The following SCAMP3 variants were observed in gnomAD, a reference collection of about 807,000 sequenced individuals.
SCAMP3 encodes the protein secretory carrier-associated membrane protein 3.
A neutral mutation model predicts 44.1 loss-of-function variants in SCAMP3; 30 were observed. The ratio of observed to expected loss-of-function variants is 0.68; its 90% CI spans 0.51 to 0.92. SCAMP3 has a LOEUF of 0.92. Ranked by LOEUF, SCAMP3 falls within the 40% of genes least tolerant of loss-of-function variation. The pLI is 0.00. For synonymous variants in SCAMP3, 168 were observed against 171.1 expected, an observed-to-expected ratio of 0.98 and a Z score of 0.14; for missense variants, 394 against 440.0, an observed-to-expected ratio of 0.90 and a Z score of 0.93.
chr1:155,259,042 C>A, intron 4 of SCAMP3, 88 bp from the exon 5 acceptor site: 1 of 961,910 alleles, frequency 1.0e-6, no homozygotes, highest in Non-Finnish European at 1.4e-6. Context: ...TCCCTGGATC[C>A]TCTCTTTTTT....
rs777400952 is a variant in SCAMP3 at position 155,261,655 on chromosome 1, ACCT to A, written c.143_144+1del. 15 of 1,613,272 alleles carry A rather than the reference ACCT, an allele frequency of 9.3e-6. No individual in the cohort carries two copies. The Admixed American group carries it at 1.5e-4, about 16-fold the overall frequency. ...GAACTCCTATGCTCTCCAGTAGCTC[ACCT>A]CCCGGGTCTCAAAAGGGTTGTAGAC... On this transcript the variant is annotated splice_donor_variant and coding_sequence_variant, in exon 2 of 9. Transcript: ENST00000302631. LOFTEE classifies it high-confidence loss of function.
At chr1:155,259,054 T>TC in intron 4 of SCAMP3, 100 bp from the exon 5 acceptor site, 1 of 1,135,562 alleles carries the variant, frequency 8.8e-7, no homozygotes, top group East Asian at 2.7e-5. Context: ...CTCTTTTTTT[T>TC]TTTTTTTTTT....
Position 155,256,133 on chromosome 1 carries a change from T to G in SCAMP3, c.*140A>C. The G allele has an allele frequency of 1.2e-6, 1 of 829,652 alleles. No homozygotes were observed. Among genetic ancestry groups the G allele is most frequent in the South Asian group, 2.2e-5 (1 of 45,540 alleles). The allele number at this position is 829,652 out of a possible 1,614,324, so 51.4% of individuals were successfully genotyped here. ...GTGAACTCCCCACACGCCTGTCAGG[T>G]TCAGCAGTCATGGCCATAGGATTGG... On this transcript the variant is annotated 3_prime_UTR_variant, in exon 9 of 9. Transcript: ENST00000302631.
At position 155,256,420 on chromosome 1, in the gene SCAMP3, C is replaced by A; in HGVS notation, c.898-1G>T. 6.3e-7 allele frequency: 1 copy of A among 1,577,210 alleles called. No homozygotes were observed. The highest frequency in any genetic ancestry group is 8.6e-7 in the Non-Finnish European group (1 of 1,158,878). On this transcript the variant is annotated splice_acceptor_variant, in intron 8 of 8. Coordinates refer to ENST00000302631, the MANE Select transcript of SCAMP3 (RefSeq NM_005698.4). LOFTEE classifies it high-confidence loss of function. ...CTGTGCGGCGGTATAAGGAGTGGATCTGCAAGTAGAGGACAAAGACATTAC... is the reference window on the plus strand; with the variant it reads ...CTGTGCGGCGGTATAAGGAGTGGATATGCAAGTAGAGGACAAAGACATTAC...
chr1:155,260,533 G>A lies in SCAMP3; in HGVS notation c.267+4C>T. 6.2e-7 allele frequency: 1 copy of A among 1,614,170 alleles called. No homozygotes were observed. The highest frequency in any genetic ancestry group is 8.5e-7 in the Non-Finnish European group (1 of 1,180,024). ...CCCAGCCCTCACCTGCACACCTCCTGTACCTGAGTGCTGTATGAGCCATAG... is the reference window on the plus strand; with the variant it reads ...CCCAGCCCTCACCTGCACACCTCCTATACCTGAGTGCTGTATGAGCCATAG... On this transcript the variant is annotated splice_donor_region_variant and intron_variant, in intron 3 of 8. Coordinates refer to ENST00000302631, the MANE Select transcript of SCAMP3 (RefSeq NM_005698.4).
intron 5 of SCAMP3, among the ~76,000 whole-genome samples, chr1:155,258,050 GCT>G (rs1672854314): frequency 7.4e-6 from 1 of 135,118 alleles, no homozygotes; most frequent in Non-Finnish European, 1.5e-5. Context: ...ATGGAATCTC[GCT>G]CTGTCGCCCA....
At chr1:155,256,586 C>G (rs1672804338) in intron 8 of SCAMP3, 88 bp downstream of exon 8, 4 of 1,387,580 alleles carry the variant, frequency 2.9e-6, no homozygotes, top group African/African-American at 1.4e-5. Flanking sequence ...GCAGCCTGAC[C>G]TGTGCCAGTT....
At chr1:155,261,418 C>G in intron 2 of SCAMP3, 1 of 568,180 alleles carries the variant, frequency 1.8e-6, no homozygotes, top group Admixed American at 3.0e-5. Flanking sequence ...TTGGTTAAGG[C>G]CTTGCCAGCC....
chr1:155,260,269 C>A, intron 4 of SCAMP3, 61 bp downstream of exon 4: 1 of 1,597,024 alleles, frequency 6.3e-7, no homozygotes, highest in South Asian at 1.1e-5. Context: ...AGCCCAGGCC[C>A]TTAAGACCTG....
rs571343004 is a variant in SCAMP3, at chr1:155,256,595, T to C, written c.897+79A>G. On this transcript the variant is annotated intron_variant, in intron 8 of 8. Transcript: ENST00000302631. ...AACCCAGCAGCCTGACCTGTGCCAG[T>C]TGCTCCTGAATGTTCCACCCACGCC... The C allele has an allele frequency of 2.1e-4, 296 of 1,411,564 alleles. 1 individual carries two copies. Among genetic ancestry groups the C allele is most frequent in the Non-Finnish European group, 1.8e-4 (183 of 997,086 alleles). The allele number at this position is 1,411,564 out of a possible 1,614,324, so 87.4% of individuals were successfully genotyped here.
At chr1:155,259,048 T>A in intron 4 of SCAMP3, 94 bp from the exon 5 acceptor site, 30 of 240,082 alleles carry the variant, frequency 1.2e-4, no homozygotes, top group South Asian at 3.3e-4. Context: ...GATCCTCTCT[T>A]TTTTTTTTTT....
At chr1:155,257,429 A>G (rs1383944759) in intron 6 of SCAMP3, 43 bp from the exon 7 acceptor site, 1 of 1,608,022 alleles carries the variant, frequency 6.2e-7, no homozygotes, top group Non-Finnish European at 8.5e-7. Flanking sequence ...GAAGAATTAG[A>G]GCTGAAGGAT....
At chr1:155,259,037 G>A in intron 4 of SCAMP3, 83 bp from the exon 5 acceptor site, 1 of 1,125,406 alleles carries the variant, frequency 8.9e-7, no homozygotes. Context: ...CTCCATCCCT[G>A]GATCCTCTCT....
rs1357311529 is a variant in SCAMP3 at position 155,262,290 on chromosome 1, G to C, written c.-139C>G. Reference sequence around the variant, plus strand: ...GTGCACGGATTGGTTCCACCGACCGGAAGGGCCACAAGGATCCCCGCAGCA... The same window carrying C: ...GTGCACGGATTGGTTCCACCGACCGCAAGGGCCACAAGGATCCCCGCAGCA... On this transcript the variant is annotated 5_prime_UTR_variant, in exon 1 of 9. Transcript: ENST00000302631. 8 of 748,024 alleles carry C rather than the reference G, an allele frequency of 1.1e-5. No homozygotes were observed. Among genetic ancestry groups the C allele is most frequent in the Admixed American group, 8.8e-5 (3 of 34,148 alleles). 46.3% of individuals were successfully genotyped at this position (748,024 alleles called of 1,614,324 possible).
intron 4 of SCAMP3, 77 bp downstream of exon 4, chr1:155,260,253 C>T (rs908067221): frequency 3.8e-6 from 6 of 1,572,490 alleles, no homozygotes; most frequent in South Asian, 1.1e-5. Flanking sequence ...CCACCGCACC[C>T]AGCCGAGCCC....
chr1:155,256,491 CT>C lies in SCAMP3; in HGVS notation c.898-73del, dbSNP rs1672800453. ...TCCCCACCCCAGCCTAACAGCATCA[CT>C]ACCACTCAGCAGCCTGCTGCCCAGC... On this transcript the variant is annotated intron_variant, in intron 8 of 8. Transcript: ENST00000302631. 5 of 1,525,404 alleles carry C rather than the reference CT, an allele frequency of 3.3e-6. No homozygotes were observed. The African/African-American group carries it at 6.8e-5, about 21-fold the overall frequency. The allele number at this position is 1,525,404 out of a possible 1,614,324, so 94.5% of individuals were successfully genotyped here.
intron 4 of SCAMP3, among the ~76,000 whole-genome samples, chr1:155,259,394 T>C (rs903397295): frequency 2.6e-5 from 4 of 152,134 alleles, no homozygotes; most frequent in African/African-American, 9.7e-5. Flanking sequence ...GGTCCTGAAC[T>C]CCTGACCTCA....
intron 5 of SCAMP3, among the ~76,000 whole-genome samples, chr1:155,257,921 T>C (rs1300108463): frequency 6.6e-6 from 1 of 152,234 alleles, no homozygotes; most frequent in South Asian, 2.1e-4. Context: ...CTCAGCTTAC[T>C]GCAAGCTCCG....
Position 155,262,306 on chromosome 1 carries a change from C to CGACCGGAAGGGCCACCGA in SCAMP3, c.-156_-155insTCGGTGGCCCTTCCGGTC. ...CACCGACCGGAAGGGCCACAAGGATCCCCGCAGCAGCCGTGGGTTGCGCCT... is the reference window on the plus strand; with the variant it reads ...CACCGACCGGAAGGGCCACAAGGATCGACCGGAAGGGCCACCGACCCGCAGCAGCCGTGGGTTGCGCCT... On this transcript the variant is annotated 5_prime_UTR_variant, in exon 1 of 9. Coordinates refer to ENST00000302631, the MANE Select transcript of SCAMP3 (RefSeq NM_005698.4). The CGACCGGAAGGGCCACCGA allele has an allele frequency of 4.5e-6, 3 of 672,796 alleles. No individual in the cohort carries two copies. The highest frequency in any genetic ancestry group is 7.4e-6 in the Non-Finnish European group (3 of 404,984). The allele number at this position is 672,796 out of a possible 1,614,324, so 41.7% of individuals were successfully genotyped here.
Sources: gnomAD v4.1 joint callset for allele counts (sites outside exome capture counted in the v4.1 genomes callset) on GRCh38, gnomAD v4.1.1 for gene constraint, MANE v1.5 for transcripts, NCBI Gene and HGNC (gene_info 2026-07-23, HGNC 2026-07-21) for gene names.